CSRNP3: variants seen among roughly 807,000 people sequenced by gnomAD.
CSRNP3 encodes the protein cysteine/serine-rich nuclear protein 3.
A neutral mutation model predicts 48.0 loss-of-function variants in CSRNP3; 12 were observed. The ratio of observed to expected loss-of-function variants is 0.25; its 90% confidence interval spans 0.16 to 0.41. CSRNP3 has a LOEUF of 0.41. CSRNP3 is among the 10% of genes least tolerant of loss of function. The pLI, the probability that CSRNP3 is intolerant of heterozygous loss-of-function variation, is 1.00. For synonymous variants in CSRNP3, 263 were observed against 269.7 expected (o/e 0.98, Z 0.24); for missense variants, 580 against 724.4 (o/e 0.80, Z 2.29).
At chr2:165,486,374 G>A (rs1371389302) in intron 1 of CSRNP3, among the ~76,000 whole-genome samples, 25 of 150,076 alleles carry the variant, frequency 1.7e-4, no homozygotes, top group Middle Eastern at 3.5e-3. Flanking sequence ...GGGGAGGGGC[G>A]CCCGCCATTG....
intron 2 of CSRNP3, among the ~76,000 whole-genome samples, chr2:165,499,781 C>T (rs1169683847): frequency 1.3e-5 from 2 of 151,884 alleles, no homozygotes; most frequent in African/African-American, 4.8e-5. Flanking sequence ...CACATAAAAA[C>T]TTGGAAAAAC....
At chr2:165,545,438 A>G (rs1685012347) in intron 3 of CSRNP3, among the ~76,000 whole-genome samples, 2 of 152,170 alleles carry the variant, frequency 1.3e-5, no homozygotes, top group South Asian at 4.1e-4. Flanking sequence ...CCGAGCAGGC[A>G]AGTTAGGATT....
intron 3 of CSRNP3, among the ~76,000 whole-genome samples, chr2:165,573,884 G>GA (rs1373859746): frequency 1.3e-5 from 2 of 152,010 alleles, no homozygotes; most frequent in Non-Finnish European, 2.9e-5. Context: ...GGAAGTTAAT[G>GA]AAAATTTAAA....
chr2:165,578,711 GA>G lies in CSRNP3; in HGVS notation c.-23-16323del, dbSNP rs983030507. Among the ~76,000 whole-genome samples, 127 of 147,622 alleles carry G rather than the reference GA, an allele frequency of 8.6e-4. 1 individual carries two copies. The highest frequency in any genetic ancestry group is 2.5e-3 in the African/African-American group (101 of 40,322). On this transcript the variant is annotated intron_variant, in intron 3 of 6. Transcript: ENST00000651982. The stretch of plus-strand genomic sequence containing the variant: ...AATTTAGGTCAATTTATGAACAAAG[GA>G]AAAAAAAACAGAAAAATATTGTATA...
At chr2:165,530,535 G>C (rs759838600) in intron 3 of CSRNP3, among the ~76,000 whole-genome samples, 1 of 152,114 alleles carries the variant, frequency 6.6e-6, no homozygotes, top group Non-Finnish European at 1.5e-5. Flanking sequence ...TTTCAGGGTA[G>C]AGTTGAATGT....
intron 2 of CSRNP3, among the ~76,000 whole-genome samples, chr2:165,508,361 T>C (rs548371569): frequency 1.7e-4 from 26 of 152,316 alleles, no homozygotes; most frequent in African/African-American, 5.3e-4. Context: ...TACTTTAAAA[T>C]TGACTTCCCT....
chr2:165,665,582 G>A (rs1301195033), intron 5 of CSRNP3, among the ~76,000 whole-genome samples: 2 of 152,152 alleles, frequency 1.3e-5, no homozygotes, highest in East Asian at 1.9e-4. Flanking sequence ...GCAACATAGT[G>A]AGACCCCTTC....
At chr2:165,588,724 G>T (rs1467921757) in intron 3 of CSRNP3, among the ~76,000 whole-genome samples, 1 of 152,186 alleles carries the variant, frequency 6.6e-6, no homozygotes, top group East Asian at 1.9e-4. Context: ...GGGGGTCGAG[G>T]TGAGAGGGTT....
chr2:165,676,768 G>C (rs1359735208), intron 6 of CSRNP3, among the ~76,000 whole-genome samples, 160 bp downstream of exon 6: 2 of 152,188 alleles, frequency 1.3e-5, no homozygotes, highest in Admixed American at 1.3e-4. Flanking sequence ...TTCAGGAAGA[G>C]AGAAAGACTA....
At chr2:165,617,664 C>T (rs1318565183) in intron 4 of CSRNP3, among the ~76,000 whole-genome samples, 2 of 152,190 alleles carry the variant, frequency 1.3e-5, no homozygotes, top group African/African-American at 4.8e-5. Context: ...TATTTCCTCT[C>T]CGTAGATGAT....
chr2:165,621,847 G>C (rs1164139552), intron 4 of CSRNP3, among the ~76,000 whole-genome samples: 1 of 151,912 alleles, frequency 6.6e-6, no homozygotes, highest in Non-Finnish European at 1.5e-5. Context: ...TTATTATTTT[G>C]ATTTTCCACT....
intron 3 of CSRNP3, among the ~76,000 whole-genome samples, chr2:165,583,789 A>G (rs1685584869): frequency 6.6e-6 from 1 of 152,218 alleles, no homozygotes; most frequent in Admixed American, 6.5e-5. Context: ...AAACGTTGGG[A>G]ACAAATAATA....
chr2:165,481,646 T>C (rs1352211422), intron 1 of CSRNP3, among the ~76,000 whole-genome samples: 1 of 152,140 alleles, frequency 6.6e-6, no homozygotes, highest in Non-Finnish European at 1.5e-5. Context: ...ACTGGCTAGA[T>C]TACACACCCA....
At chr2:165,574,089 G>C in intron 3 of CSRNP3, 1 of 422,096 alleles carries the variant, frequency 2.4e-6, no homozygotes, top group Non-Finnish European at 4.2e-6. Context: ...TAAAACCCGT[G>C]CCCACTCCCC....
intron 5 of CSRNP3, among the ~76,000 whole-genome samples, chr2:165,674,666 A>C (rs1009259429): frequency 7.4e-6 from 1 of 134,844 alleles, no homozygotes; most frequent in African/African-American, 2.9e-5. Context: ...ATTCATATAT[A>C]TATAAATACT....
chr2:165,572,812 A>G (rs1179300769), intron 3 of CSRNP3, among the ~76,000 whole-genome samples: 6 of 152,224 alleles, frequency 3.9e-5, no homozygotes, highest in Admixed American at 3.3e-4. Flanking sequence ...TATTTAGTCT[A>G]TTTTAAAAAT....
At position 165,683,101 on chromosome 2, in the gene CSRNP3, G is replaced by GAGAA. The variant is rs372745090; in HGVS notation, c.*3349_*3352dup. ...CTTTGTCATTCCCAATTTCCTTTGG[G>GAGAA]AGAAGTCAATGAAAGAGATTTACTT... On this transcript the variant is annotated 3_prime_UTR_variant, in exon 7 of 7. Coordinates refer to ENST00000651982, the MANE Select transcript of CSRNP3 (RefSeq NM_001172173.2). 4.3e-3 allele frequency: 649 copies of GAGAA among 152,172 alleles called. 5 individuals carry two copies. The highest frequency in any genetic ancestry group is 0.015 in the African/African-American group (605 of 41,540). 9.4% of individuals were successfully genotyped at this position (152,172 alleles called of 1,614,324 possible).
chr2:165,649,919 A>G (rs1308279302), intron 4 of CSRNP3, among the ~76,000 whole-genome samples: 3 of 152,138 alleles, frequency 2.0e-5, no homozygotes, highest in Non-Finnish European at 4.4e-5. Flanking sequence ...ATTCCCCTAC[A>G]TCATGCCCAT....
At chr2:165,647,223 G>T (rs1686828391) in intron 4 of CSRNP3, among the ~76,000 whole-genome samples, 1 of 152,178 alleles carries the variant, frequency 6.6e-6, no homozygotes, top group African/African-American at 2.4e-5. Flanking sequence ...ACTAAGAAAT[G>T]CAGATGCTCA....
Sources: allele counts gnomAD v4.1 joint callset (sites outside exome capture counted in the v4.1 genomes callset), GRCh38; gene constraint gnomAD v4.1.1; transcripts MANE v1.5; gene names NCBI Gene and HGNC (gene_info 2026-07-23, HGNC 2026-07-21).